Variants in TRIM24 observed in about 807,000 individuals in gnomAD.
The protein encoded by TRIM24 is transcription intermediary factor 1-alpha.
TRIM24 carries 29 observed loss-of-function variants against 123.9 expected under a neutral mutation model. The observed-to-expected ratio is 0.23, with a 90% CI of 0.17 to 0.32. The LOEUF (loss-of-function observed/expected upper bound fraction) is 0.32. TRIM24 is among the 10% of genes least tolerant of loss of function. The pLI, the probability that TRIM24 is intolerant of heterozygous loss-of-function variation, is 1.00. For synonymous variants in TRIM24, 456 were observed against 461.1 expected, an observed-to-expected ratio of 0.99 and a Z score of 0.14; for missense variants, 932 against 1,295.3, an observed-to-expected ratio of 0.72 and a Z score of 4.31.
At chr7:138,576,257 C>G in intron 12 of TRIM24, 116 bp from the exon 13 acceptor site, 1 of 988,818 alleles carries the variant, frequency 1.0e-6, no homozygotes, top group South Asian at 1.5e-5. Context: ...CTTACTGTTT[C>G]ATAGAATTTC....
Position 138,585,672 on chromosome 7 carries a change from C to G in TRIM24, c.*721C>G. On this transcript the variant is annotated 3_prime_UTR_variant, in exon 19 of 19. Coordinates refer to ENST00000343526, the MANE Select transcript of TRIM24 (RefSeq NM_015905.3). ...TTTCAAGGCCATTTTTTATACATTT[C>G]TAGATCTAGATTTTCAACTTCTTCC... The G allele has an allele frequency of 2.6e-6, 1 of 381,732 alleles. No individual in the cohort carries two copies. Among genetic ancestry groups the G allele is most frequent in the Non-Finnish European group, 5.0e-6 (1 of 198,170 alleles). The allele number at this position is 381,732 out of a possible 1,614,324, so 23.6% of individuals were successfully genotyped here.
At chr7:138,511,769 A>T (rs184768764) in intron 2 of TRIM24, among the ~76,000 whole-genome samples, 1 of 152,152 alleles carries the variant, frequency 6.6e-6, no homozygotes, top group East Asian at 1.9e-4. Flanking sequence ...ATATCATTCC[A>T]CCCCAGCCCC....
chr7:138,515,235 C>T lies in TRIM24; in HGVS notation c.507C>T (p.Asn169=), dbSNP rs770482864. ...SNQVCTSCED[N]AEANGFCVEC... ...AGGTATGTACAAGCTGTGAGGACAA[C>T]GCAGAAGCCAATGGGTTTTGTGTAG... Residue 169 remains asparagine, a synonymous_variant, in exon 3 of 19, where the codon AAC becomes AAT. Coordinates refer to ENST00000343526, the MANE Select transcript of TRIM24 (RefSeq NM_015905.3). The T allele has an allele frequency of 5.0e-5, 81 of 1,613,232 alleles. No homozygotes were observed. The highest frequency in any genetic ancestry group is 6.7e-5 in the Non-Finnish European group (79 of 1,179,544).
rs148458960 is a variant in TRIM24 at position 138,566,414 on chromosome 7, G to A, written c.1531-1067G>A. On this transcript the variant is annotated intron_variant, in intron 9 of 18. Transcript: ENST00000343526. ...TCCTGTAATTCCAGCCACTTGGGAG[G>A]CTGAGGCAGGAGAATCACTTGAACC... Among the ~76,000 whole-genome samples the A allele has an allele frequency of 2.1e-3, 324 of 152,240 alleles. 2 individuals carry two copies. The highest frequency in any genetic ancestry group is 7.6e-3 in the African/African-American group (316 of 41,526).
intron 1 of TRIM24, among the ~76,000 whole-genome samples, chr7:138,489,578 T>A (rs527695158): frequency 6.6e-6 from 1 of 152,218 alleles, no homozygotes; most frequent in Non-Finnish European, 1.5e-5. Flanking sequence ...TTCTTGTCTA[T>A]AAAGGATTTT....
At chr7:138,525,093 C>G (rs1205516764) in intron 4 of TRIM24, 148 bp from the exon 5 acceptor site, 7 of 389,628 alleles carry the variant, frequency 1.8e-5, no homozygotes, top group Non-Finnish European at 2.8e-5. Flanking sequence ...GTGAGGGAAA[C>G]TTGCCTTATT....
rs1297791583 is a variant in TRIM24 at position 138,519,247 on chromosome 7, G to A, written c.690G>A (p.Gln230=). 6.2e-7 allele frequency: 1 copy of A among 1,614,020 alleles called. No individual in the cohort carries two copies. Among genetic ancestry groups the A allele is most frequent in the Non-Finnish European group, 8.5e-7 (1 of 1,180,010 alleles). ...TTTGTCCTTTTCATAAAAAGGAGCA[G>A]CTGAAGCTGTACTGTGAGACATGTG... ...PVFCPFHKKE[Q]LKLYCETCDK... Residue 230 remains glutamine (Q), a synonymous_variant, in exon 4 of 19, where the codon CAG becomes CAA. Transcript: ENST00000343526.
chr7:138,519,381 T>C, intron 4 of TRIM24, 60 bp downstream of exon 4: 1 of 1,525,036 alleles, frequency 6.6e-7, no homozygotes, highest in African/African-American at 1.4e-5. Flanking sequence ...ACTAAAGGAC[T>C]GCTGCCAACC....
At chr7:138,515,474 A>G in intron 3 of TRIM24, 115 bp downstream of exon 3, 1 of 1,227,838 alleles carries the variant, frequency 8.1e-7, no homozygotes. Context: ...ATACTGTTTT[A>G]AGTAAAAGAG....
intron 6 of TRIM24, among the ~76,000 whole-genome samples, chr7:138,531,258 T>C (rs1055439463): frequency 6.6e-6 from 1 of 152,078 alleles, no homozygotes; most frequent in South Asian, 2.1e-4. Context: ...GTTACATATG[T>C]TACATATGTT....
At chr7:138,500,822 AAG>A (rs962951603) in intron 1 of TRIM24, among the ~76,000 whole-genome samples, 2 of 152,196 alleles carry the variant, frequency 1.3e-5, no homozygotes, top group African/African-American at 4.8e-5. Context: ...ACTACACACC[AAG>A]AGAATATGGT....
intron 1 of TRIM24, among the ~76,000 whole-genome samples, chr7:138,493,420 T>C (rs1795838076): frequency 6.6e-6 from 1 of 152,254 alleles, no homozygotes; most frequent in Non-Finnish European, 1.5e-5. Context: ...TAAAGTTGTC[T>C]ATTAGTATAG....
intron 1 of TRIM24, among the ~76,000 whole-genome samples, chr7:138,502,853 G>A (rs761003850): frequency 3.9e-5 from 6 of 152,088 alleles, no homozygotes; most frequent in Non-Finnish European, 5.9e-5. Flanking sequence ...CTGTAGTTCT[G>A]TAACAAAGGT....
At chr7:138,517,360 G>GTTTTGTTT (rs1554438056) in intron 3 of TRIM24, among the ~76,000 whole-genome samples, 25 of 151,760 alleles carry the variant, frequency 1.6e-4, no homozygotes, top group African/African-American at 6.1e-4. Context: ...TTGTGTGTGT[G>GTTTTGTTT]TGTTTTGTTT....
intron 1 of TRIM24, among the ~76,000 whole-genome samples, chr7:138,465,143 A>C (rs1795107969): frequency 6.6e-6 from 1 of 152,210 alleles, no homozygotes; most frequent in Non-Finnish European, 1.5e-5. Flanking sequence ...ATACAATTAC[A>C]CTGGCCACCA....
At chr7:138,565,847 G>A (rs973973166) in intron 9 of TRIM24, among the ~76,000 whole-genome samples, 6 of 152,248 alleles carry the variant, frequency 3.9e-5, no homozygotes, top group African/African-American at 1.4e-4. Context: ...CAGTTAATCA[G>A]TGACAGGTTT....
intron 17 of TRIM24, 137 bp from the exon 18 acceptor site, chr7:138,583,713 G>A (rs1797953768): frequency 3.1e-6 from 2 of 642,324 alleles, no homozygotes; most frequent in Non-Finnish European, 5.1e-6. Flanking sequence ...ACTGTTAAAT[G>A]GGTTTCTTTA....
intron 7 of TRIM24, among the ~76,000 whole-genome samples, chr7:138,549,722 A>C (rs888291613): frequency 6.6e-6 from 1 of 152,162 alleles, no homozygotes; most frequent in Non-Finnish European, 1.5e-5. Flanking sequence ...AAAAGGAGTA[A>C]AGAGTTTTGT....
At position 138,568,531 on chromosome 7, in the gene TRIM24, C is replaced by T. The variant is rs185668478; in HGVS notation, c.1704+877C>T. Reference sequence around the variant, plus strand: ...CCTCCAGAGTAGCTGGGATTACAGGCGCCCACTACCATGCCTGGCTAATTT... The same window carrying T: ...CCTCCAGAGTAGCTGGGATTACAGGTGCCCACTACCATGCCTGGCTAATTT... On this transcript the variant is annotated intron_variant, in intron 10 of 18. Coordinates refer to ENST00000343526, the MANE Select transcript of TRIM24 (RefSeq NM_015905.3). Among the ~76,000 whole-genome samples, 515 of 151,484 alleles carry T rather than the reference C, an allele frequency of 3.4e-3. 2 individuals are homozygous for T. Among genetic ancestry groups the T allele is most frequent in the African/African-American group, 0.012 (489 of 41,300 alleles).
Sources: gnomAD v4.1 joint callset for allele counts (sites outside exome capture counted in the v4.1 genomes callset) on GRCh38, gnomAD v4.1.1 for gene constraint, MANE v1.5 for transcripts, NCBI Gene and HGNC (gene_info 2026-07-23, HGNC 2026-07-21) for gene names.